Variants in ROBO2 observed in about 807,000 individuals in gnomAD.
ROBO2 encodes roundabout homolog 2.
A neutral mutation model predicts 160.8 loss-of-function variants in ROBO2; 53 were observed. The observed-to-expected ratio is 0.33, with a 90% CI of 0.26 to 0.41. ROBO2 has a LOEUF of 0.41. ROBO2 is among the 10% of genes least tolerant of loss of function. The pLI is 1.00. For missense variants in ROBO2, 1,577 were observed against 1,722.4 expected (o/e 0.92, Z 1.49); for synonymous variants, 664 against 611.7 (o/e 1.09, Z -1.26).
At chr3:77,649,818 C>G (rs1191373588) in exon 26 of ROBO2, 1 of 151,960 alleles carries the variant, frequency 6.6e-6, no homozygotes, top group Non-Finnish European at 1.5e-5. Flanking sequence ...TTGTTTAAGT[C>G]ACCAAGCAGC....
chr3:76,559,759 T>C (rs953628461), intron 2 of ROBO2, among the ~76,000 whole-genome samples: 1 of 152,144 alleles, frequency 6.6e-6, no homozygotes, highest in Non-Finnish European at 1.5e-5. Context: ...TGATGTCATA[T>C]GGATAAGCAA....
chr3:76,473,365 G>A (rs1459582899), intron 2 of ROBO2, among the ~76,000 whole-genome samples: 1 of 152,118 alleles, frequency 6.6e-6, no homozygotes, highest in African/African-American at 2.4e-5. Context: ...ATTTTGATGT[G>A]TAATGGATTC....
At chr3:76,352,882 G>A (rs1268252574) in intron 2 of ROBO2, among the ~76,000 whole-genome samples, 1 of 151,980 alleles carries the variant, frequency 6.6e-6, no homozygotes. Flanking sequence ...TTACCCCATT[G>A]TTACAAATTC....
intron 2 of ROBO2, among the ~76,000 whole-genome samples, chr3:77,365,405 C>G (rs1220247217): frequency 1.3e-5 from 2 of 151,992 alleles, no homozygotes; most frequent in Non-Finnish European, 2.9e-5. Flanking sequence ...GGAGGCTCTG[C>G]TTGAATTTAG....
At chr3:76,245,988 A>G (rs1705593145) in intron 2 of ROBO2, among the ~76,000 whole-genome samples, 1 of 152,150 alleles carries the variant, frequency 6.6e-6, no homozygotes, top group South Asian at 2.1e-4. Context: ...AAGAAGCTGA[A>G]TTTTATGAAA....
intron 2 of ROBO2, among the ~76,000 whole-genome samples, chr3:76,806,989 A>G (rs1390205069): frequency 6.6e-6 from 1 of 152,054 alleles, no homozygotes; most frequent in East Asian, 1.9e-4. Flanking sequence ...TTAGATTAAA[A>G]GAAATTAGAA....
At chr3:77,376,501 C>G (rs577166150) in intron 2 of ROBO2, among the ~76,000 whole-genome samples, 1 of 151,986 alleles carries the variant, frequency 6.6e-6, no homozygotes. Context: ...GCTAAAATTC[C>G]TCTTGATTTT....
At chr3:76,616,619 G>A (rs1175144133) in intron 2 of ROBO2, among the ~76,000 whole-genome samples, 1 of 152,182 alleles carries the variant, frequency 6.6e-6, no homozygotes, top group Non-Finnish European at 1.5e-5. Context: ...GGAGTTCTGA[G>A]CTTCCTGTTG....
chr3:77,567,473 C>T (rs377608986), intron 12 of ROBO2, among the ~76,000 whole-genome samples: 3 of 151,642 alleles, frequency 2.0e-5, no homozygotes, highest in East Asian at 3.9e-4. Flanking sequence ...CTTAATGGAC[C>T]GAGAATATAA....
chr3:77,443,422 A>G (rs546757286), intron 2 of ROBO2, among the ~76,000 whole-genome samples: 2 of 152,236 alleles, frequency 1.3e-5, no homozygotes, highest in East Asian at 3.9e-4. Context: ...TCAATAAAAT[A>G]GTCTAAGTGC....
intron 2 of ROBO2, among the ~76,000 whole-genome samples, chr3:76,385,917 G>A (rs1194133154): frequency 6.6e-6 from 1 of 152,066 alleles, no homozygotes; most frequent in Non-Finnish European, 1.5e-5. Context: ...AGTTTCTAAG[G>A]CCAACAGAAA....
chr3:77,522,926 AT>A, intron 6 of ROBO2, 24 bp downstream of exon 6: 1 of 1,608,098 alleles, frequency 6.2e-7, no homozygotes, highest in Non-Finnish European at 8.5e-7. Flanking sequence ...GATGTCAAAG[AT>A]AATTGAACCA....
chr3:76,798,737 A>T (rs1167585887), intron 2 of ROBO2, among the ~76,000 whole-genome samples: 2 of 152,086 alleles, frequency 1.3e-5, no homozygotes, highest in Non-Finnish European at 2.9e-5. Context: ...TTTGAAAAAT[A>T]CAAAAAGTAG....
intron 2 of ROBO2, among the ~76,000 whole-genome samples, chr3:76,576,815 A>G (rs989751577): frequency 1.4e-5 from 2 of 146,812 alleles, no homozygotes; most frequent in Admixed American, 1.4e-4. Flanking sequence ...AAAGAAAATG[A>G]GAGTATTATT....
chr3:76,712,856 A>T (rs264546), intron 2 of ROBO2, among the ~76,000 whole-genome samples: 59,141 of 151,754 alleles, frequency 0.39, 12,285 homozygotes, highest in Non-Finnish European at 0.47. Context: ...ATCTTTTCCA[A>T]TTTTTAAAGT....
intron 2 of ROBO2, among the ~76,000 whole-genome samples, chr3:77,158,575 C>T (rs1560129346): frequency 6.7e-6 from 1 of 148,242 alleles, no homozygotes; most frequent in Non-Finnish European, 1.5e-5. Flanking sequence ...ATAAATACCT[C>T]TCTAGCTCTT....
intron 2 of ROBO2, among the ~76,000 whole-genome samples, chr3:77,265,828 T>C (rs2059086841): frequency 6.6e-6 from 1 of 152,170 alleles, no homozygotes; most frequent in Non-Finnish European, 1.5e-5. Flanking sequence ...TCCTATTTGC[T>C]CTCAATTTAA....
intron 2 of ROBO2, among the ~76,000 whole-genome samples, chr3:76,067,112 C>T (rs1205294218): frequency 6.6e-6 from 1 of 152,122 alleles, no homozygotes; most frequent in Non-Finnish European, 1.5e-5. Context: ...GTGGTTCAGG[C>T]TGTGAATTCT....
At chr3:76,404,123 A>G (rs2077999809) in intron 2 of ROBO2, among the ~76,000 whole-genome samples, 2 of 151,658 alleles carry the variant, frequency 1.3e-5, no homozygotes, top group South Asian at 4.1e-4. Flanking sequence ...GTGCTACCTA[A>G]GAGGCATAGA....
Sources: gnomAD v4.1 joint callset for allele counts (sites outside exome capture counted in the v4.1 genomes callset) on GRCh38, gnomAD v4.1.1 for gene constraint, MANE v1.5 for transcripts, NCBI Gene and HGNC (gene_info 2026-07-23, HGNC 2026-07-21) for gene names.